TMEFF2: variants seen among roughly 807,000 people sequenced by gnomAD.
TMEFF2 encodes the protein tomoregulin-2.
TMEFF2 carries 28 observed loss-of-function variants against 53.8 expected under a neutral mutation model. The ratio of observed to expected loss-of-function variants is 0.52; its 90% CI spans 0.39 to 0.71. TMEFF2 has a LOEUF of 0.71. Ranked by LOEUF, TMEFF2 falls within the 30% of genes least tolerant of loss-of-function variation. TMEFF2 has a pLI of 0.00. For synonymous variants in TMEFF2, 162 were observed against 166.3 expected, an observed-to-expected ratio of 0.97 and a Z score of 0.20; for missense variants, 353 against 455.2, an observed-to-expected ratio of 0.78 and a Z score of 2.04.
intron 4 of TMEFF2, among the ~76,000 whole-genome samples, chr2:192,169,979 T>TA (rs112626727): frequency 0.66 from 99,834 of 151,410 alleles, 33,044 homozygotes; most frequent in African/African-American, 0.71. Flanking sequence ...AGATGCACTA[T>TA]TTAACTGTAC....
intron 7 of TMEFF2, among the ~76,000 whole-genome samples, chr2:191,969,164 T>G (rs1018929494): frequency 5.2e-4 from 78 of 150,992 alleles, no homozygotes; most frequent in African/African-American, 1.7e-3. Flanking sequence ...TATATATATA[T>G]ATAGAGAGAG....
At chr2:192,029,128 C>G (rs1004111479) in intron 5 of TMEFF2, 1 of 152,138 alleles carries the variant, frequency 6.6e-6, no homozygotes, top group Non-Finnish European at 1.5e-5. Context: ...CCCCTCCCCC[C>G]ACGTCCATTC....
Position 191,950,307 on chromosome 2 carries a change from C to A in TMEFF2, c.*4G>T. 6.2e-7 allele frequency: 1 copy of A among 1,612,714 alleles called. No homozygotes were observed. The highest frequency in any genetic ancestry group is 8.5e-7 in the Non-Finnish European group (1 of 1,179,358). ...TAGTCCAGCCACTGTGAAACATGCTCCCTTTAGATTAACCTCGTGGACGCT... is the reference window on the plus strand; with the variant it reads ...TAGTCCAGCCACTGTGAAACATGCTACCTTTAGATTAACCTCGTGGACGCT... On this transcript the variant is annotated 3_prime_UTR_variant, in exon 10 of 10. Coordinates refer to ENST00000272771, the MANE Select transcript of TMEFF2 (RefSeq NM_016192.4).
At chr2:192,178,635 T>C (rs1238035443) in intron 4 of TMEFF2, 1 of 151,262 alleles carries the variant, frequency 6.6e-6, no homozygotes, top group Non-Finnish European at 1.5e-5. Context: ...TTATTTGAAC[T>C]AGTTAAGTCT....
chr2:191,980,006 T>C (rs1456578401), intron 7 of TMEFF2, among the ~76,000 whole-genome samples: 2 of 152,092 alleles, frequency 1.3e-5, no homozygotes. Context: ...TTTATGTAGT[T>C]TGGTTTCTAG....
chr2:192,140,073 T>C (rs1690101409), intron 4 of TMEFF2, among the ~76,000 whole-genome samples: 1 of 152,140 alleles, frequency 6.6e-6, no homozygotes, highest in African/African-American at 2.4e-5. Context: ...TTTTAAATGA[T>C]CTTGACAGGT....
chr2:191,954,458 A>G (rs1692001427), intron 8 of TMEFF2, among the ~76,000 whole-genome samples: 1 of 152,080 alleles, frequency 6.6e-6, no homozygotes, highest in Non-Finnish European at 1.5e-5. Flanking sequence ...TTATTTCTAT[A>G]TTTTCTGGAA....
chr2:191,981,151 T>TTTAAC (rs1319038056), intron 7 of TMEFF2, among the ~76,000 whole-genome samples: 1 of 152,086 alleles, frequency 6.6e-6, no homozygotes, highest in African/African-American at 2.4e-5. Flanking sequence ...GAAGATAAAT[T>TTTAAC]TTAACTTCTA....
At position 192,194,825 on chromosome 2, in the gene TMEFF2, G is replaced by C. The variant is rs1691567046; in HGVS notation, c.-301C>G. On this transcript the variant is annotated 5_prime_UTR_variant, in exon 1 of 10. Transcript: ENST00000272771. The surrounding 1 kb of genome is among the most constrained non-coding windows in gnomAD (Gnocchi z 4.2). ...GGGAAGCCGGAGGACAGGAGGAGACGGGAGTCCAGGGGCAGACGAGTGGAG... is the reference window on the plus strand; with the variant it reads ...GGGAAGCCGGAGGACAGGAGGAGACCGGAGTCCAGGGGCAGACGAGTGGAG... 2.4e-6 allele frequency: 1 copy of C among 414,470 alleles called. No individual in the cohort carries two copies. Among genetic ancestry groups the C allele is most frequent in the South Asian group, 2.5e-5 (1 of 39,570 alleles). 25.7% of individuals were successfully genotyped at this position (414,470 alleles called of 1,614,324 possible). A position where few individuals can be genotyped will look rare whatever the true frequency, so the allele number is the denominator to read the frequency against.
At chr2:192,158,338 G>A (rs1690554088) in intron 4 of TMEFF2, among the ~76,000 whole-genome samples, 1 of 148,976 alleles carries the variant, frequency 6.7e-6, no homozygotes, top group Non-Finnish European at 1.5e-5. Context: ...GATATATTGT[G>A]TGTCAAGAAC....
chr2:192,138,404 C>T (rs1427925451), intron 4 of TMEFF2, among the ~76,000 whole-genome samples: 1 of 152,170 alleles, frequency 6.6e-6, no homozygotes, highest in Non-Finnish European at 1.5e-5. Context: ...TAGTGCTTCT[C>T]AAACTTTAGT....
chr2:192,188,834 T>C (rs1210646964), intron 2 of TMEFF2, among the ~76,000 whole-genome samples: 2 of 40,320 alleles, frequency 5.0e-5, no homozygotes, highest in East Asian at 8.4e-4. Flanking sequence ...TTTCTATCTA[T>C]CTATCTATCT....
At chr2:192,193,796 A>AGG (rs1374565482) in intron 1 of TMEFF2, among the ~76,000 whole-genome samples, 4 of 146,894 alleles carry the variant, frequency 2.7e-5, no homozygotes, top group African/African-American at 1.0e-4. Flanking sequence ...AGAGAGAGAG[A>AGG]GAGAGAGAGA....
intron 4 of TMEFF2, among the ~76,000 whole-genome samples, chr2:192,170,458 T>C (rs1421329843): frequency 1.3e-5 from 2 of 151,972 alleles, no homozygotes; most frequent in African/African-American, 4.8e-5. Flanking sequence ...AGAAATGGGT[T>C]CCCTCTCCAA....
intron 4 of TMEFF2, among the ~76,000 whole-genome samples, chr2:192,078,336 T>C (rs940261318): frequency 6.6e-6 from 1 of 152,192 alleles, no homozygotes; most frequent in African/African-American, 2.4e-5. Context: ...TGGTAGACTT[T>C]CAATAAATAG....
intron 4 of TMEFF2, among the ~76,000 whole-genome samples, chr2:192,096,736 G>A (rs1453528843): frequency 7.8e-6 from 1 of 128,748 alleles, no homozygotes; most frequent in Non-Finnish European, 1.6e-5. Context: ...GAGTGCAGTG[G>A]TACAATCTCA....
At chr2:192,113,224 G>C (rs1236431657) in intron 4 of TMEFF2, among the ~76,000 whole-genome samples, 1 of 152,156 alleles carries the variant, frequency 6.6e-6, no homozygotes, top group Admixed American at 6.6e-5. Flanking sequence ...GCAAATGTTA[G>C]AGAAGATTAT....
chr2:191,989,998 G>C (rs990768028), intron 7 of TMEFF2, among the ~76,000 whole-genome samples: 2 of 152,018 alleles, frequency 1.3e-5, no homozygotes, highest in Non-Finnish European at 2.9e-5. Context: ...TGCACTTCAG[G>C]ACTCAGAGGT....
At chr2:192,052,071 A>G (rs1687785878) in intron 5 of TMEFF2, among the ~76,000 whole-genome samples, 1 of 152,234 alleles carries the variant, frequency 6.6e-6, no homozygotes, top group Non-Finnish European at 1.5e-5. Flanking sequence ...TTATGCCAAT[A>G]TGATATCGCT....
Sources: allele counts gnomAD v4.1 joint callset (sites outside exome capture counted in the v4.1 genomes callset), GRCh38; gene constraint gnomAD v4.1.1; non-coding constraint Gnocchi (gnomAD v3.1); transcripts MANE v1.5; gene names NCBI Gene and HGNC (gene_info 2026-07-23, HGNC 2026-07-21).